Variants in PALM2AKAP2 observed in about 807,000 individuals in gnomAD.
PALM2AKAP2 encodes the protein PALM2 and AKAP2 fusion.
In PALM2AKAP2, 37 loss-of-function variants were observed where a neutral mutation model predicts 71.5. The ratio of observed to expected loss-of-function variants is 0.52; its 90% CI spans 0.40 to 0.68. The LOEUF is 0.68. PALM2AKAP2 is among the 30% of genes least tolerant of loss of function. The probability of loss-of-function intolerance (pLI) is 0.00; values close to 1 mark genes in which losing one functional copy is unlikely to be tolerated. For missense variants in PALM2AKAP2, 1,224 were observed against 1,191.8 expected, an observed-to-expected ratio of 1.03 and a Z score of -0.40; for synonymous variants, 468 against 478.8, an observed-to-expected ratio of 0.98 and a Z score of 0.29.
chr9:109,862,441 C>T (rs914678151), intron 1 of PALM2AKAP2, among the ~76,000 whole-genome samples: 2 of 152,132 alleles, frequency 1.3e-5, no homozygotes, highest in South Asian at 2.1e-4. Context: ...TTTTATGTGA[C>T]TTGGAAAAAT....
chr9:109,899,980 G>A (rs1830293207), intron 3 of PALM2AKAP2, among the ~76,000 whole-genome samples: 1 of 152,192 alleles, frequency 6.6e-6, no homozygotes, highest in African/African-American at 2.4e-5. Context: ...ACACACTACA[G>A]TGTTCACCCT....
At chr9:109,841,917 G>A (rs1304797089) in intron 1 of PALM2AKAP2, among the ~76,000 whole-genome samples, 1 of 133,700 alleles carries the variant, frequency 7.5e-6, no homozygotes, top group Non-Finnish European at 1.6e-5. Flanking sequence ...TAGAGGGGAG[G>A]GTGGAAGGGT....
chr9:109,867,146 T>G (rs563036151), intron 1 of PALM2AKAP2: 14 of 455,676 alleles, frequency 3.1e-5, no homozygotes, highest in Non-Finnish European at 5.7e-5. Flanking sequence ...AAATTAACAC[T>G]GCACAGAACA....
chr9:109,917,706 C>T (rs751143553), intron 3 of PALM2AKAP2, among the ~76,000 whole-genome samples: 1 of 152,056 alleles, frequency 6.6e-6, no homozygotes, highest in Non-Finnish European at 1.5e-5. Context: ...GTTGCTCAGG[C>T]TGGTCTCATC....
At chr9:109,745,332 T>A (rs149147671) in intron 1 of PALM2AKAP2, among the ~76,000 whole-genome samples, 6,588 of 152,172 alleles carry the variant, frequency 0.043, 186 homozygotes, top group Non-Finnish European at 0.053. Flanking sequence ...AGCCTGGGCA[T>A]CAAAGTGAGA....
chr9:109,692,187 C>T (rs746700930), intron 1 of PALM2AKAP2, among the ~76,000 whole-genome samples: 11 of 150,682 alleles, frequency 7.3e-5, no homozygotes, highest in Admixed American at 2.6e-4. Flanking sequence ...CAAAAATCAC[C>T]ATTTCATAGT....
chr9:109,707,330 T>C (rs527830722), intron 1 of PALM2AKAP2, among the ~76,000 whole-genome samples: 85 of 152,048 alleles, frequency 5.6e-4, no homozygotes, highest in Non-Finnish European at 1.1e-3. Context: ...CATTATAAAA[T>C]GGAAAACGCT....
chr9:109,772,873 C>G (rs1587902893), intron 1 of PALM2AKAP2, among the ~76,000 whole-genome samples: 1 of 152,218 alleles, frequency 6.6e-6, no homozygotes, highest in Non-Finnish European at 1.5e-5. Flanking sequence ...AATCCCAGCA[C>G]TTTGGGAGGC....
At chr9:110,032,744 T>A (rs1009629771) in intron 7 of PALM2AKAP2, among the ~76,000 whole-genome samples, 4 of 135,748 alleles carry the variant, frequency 2.9e-5, no homozygotes, top group South Asian at 2.4e-4. Context: ...ATAAATAAAA[T>A]AAAAAATAAA....
chr9:109,960,065 A>C (rs1053051738), intron 6 of PALM2AKAP2, among the ~76,000 whole-genome samples: 11 of 152,162 alleles, frequency 7.2e-5, no homozygotes, highest in African/African-American at 1.7e-4. Flanking sequence ...GCGAAACCTT[A>C]GTTCCCACTG....
intron 1 of PALM2AKAP2, among the ~76,000 whole-genome samples, chr9:110,060,287 A>T (rs1045761586): frequency 6.6e-6 from 1 of 151,906 alleles, no homozygotes; most frequent in Non-Finnish European, 1.5e-5. Flanking sequence ...AAATTTTTGT[A>T]TTTCTAATAT....
At chr9:109,797,794 G>T (rs1032511255) in intron 1 of PALM2AKAP2, among the ~76,000 whole-genome samples, 1 of 152,192 alleles carries the variant, frequency 6.6e-6, no homozygotes, top group African/African-American at 2.4e-5. Context: ...AGGCCATCAG[G>T]TCCCAAAATG....
intron 1 of PALM2AKAP2, among the ~76,000 whole-genome samples, chr9:109,723,777 C>T (rs1398509592): frequency 6.6e-6 from 1 of 152,336 alleles, no homozygotes; most frequent in South Asian, 2.1e-4. Context: ...TGAGCTAAAA[C>T]AAATTCCTCC....
At chr9:110,063,375 GGTGTCTTCTCCCA>G (rs1045618599) in intron 1 of PALM2AKAP2, among the ~76,000 whole-genome samples, 4 of 152,022 alleles carry the variant, frequency 2.6e-5, no homozygotes, top group African/African-American at 9.7e-5. Context: ...CTTGTAGATG[GGTGTCTTCTCCCA>G]GTGTCTTCAC....
chr9:109,714,846 A>G (rs1024036520), intron 1 of PALM2AKAP2, among the ~76,000 whole-genome samples: 5 of 152,118 alleles, frequency 3.3e-5, no homozygotes, highest in African/African-American at 1.2e-4. Flanking sequence ...TAACGGCCCC[A>G]TCTCCTAGCC....
intron 7 of PALM2AKAP2, chr9:110,024,810 T>G: frequency 7.6e-6 from 5 of 657,184 alleles, no homozygotes; most frequent in East Asian, 5.5e-5. Context: ...GATATGCCAG[T>G]GTCTTGGGTT....
intron 1 of PALM2AKAP2, among the ~76,000 whole-genome samples, chr9:110,075,496 A>G (rs77356344): frequency 0.013 from 2,032 of 152,312 alleles, 37 homozygotes; most frequent in African/African-American, 0.047. Context: ...AACTCAATCC[A>G]AATCTTACCA....
chr9:109,643,303 C>G (rs1427320771), intron 1 of PALM2AKAP2, among the ~76,000 whole-genome samples: 1 of 152,330 alleles, frequency 6.6e-6, no homozygotes, highest in South Asian at 2.1e-4. Flanking sequence ...GGAGACTGTC[C>G]TTTACAAGAG....
chr9:109,661,511 A>G (rs895342225), intron 1 of PALM2AKAP2, among the ~76,000 whole-genome samples: 1 of 152,082 alleles, frequency 6.6e-6, no homozygotes, highest in Non-Finnish European at 1.5e-5. Context: ...CTGTTCTTTT[A>G]CATTGGTCTT....
Sources: allele counts gnomAD v4.1 joint callset (sites outside exome capture counted in the v4.1 genomes callset), GRCh38; gene constraint gnomAD v4.1.1; transcripts MANE v1.5; gene names NCBI Gene and HGNC (gene_info 2026-07-23, HGNC 2026-07-21).